Variants in RABGAP1L observed in about 807,000 individuals in gnomAD.
The protein encoded by RABGAP1L is RAB GTPase activating protein 1 like.
In RABGAP1L, 63 loss-of-function variants were observed where a neutral mutation model predicts 137.7. The observed-to-expected ratio is 0.46, with a 90% CI of 0.37 to 0.56. The LOEUF is 0.56. Ranked by LOEUF, RABGAP1L falls within the 20% of genes least tolerant of loss-of-function variation. The pLI, the probability that RABGAP1L is intolerant of heterozygous loss-of-function variation, is 0.00. For synonymous variants in RABGAP1L, 431 were observed against 433.7 expected (o/e 0.99, Z 0.08); for missense variants, 1,095 against 1,244.0 (o/e 0.88, Z 1.80).
intron 19 of RABGAP1L, among the ~76,000 whole-genome samples, chr1:174,901,182 A>G (rs1658084385): frequency 6.6e-6 from 1 of 152,168 alleles, no homozygotes; most frequent in Non-Finnish European, 1.5e-5. Context: ...TATTCTGGCT[A>G]TCAGCTCCTG....
At chr1:174,602,435 T>C (rs1289761098) in intron 13 of RABGAP1L, among the ~76,000 whole-genome samples, 4 of 152,116 alleles carry the variant, frequency 2.6e-5, no homozygotes, top group Admixed American at 1.3e-4. Flanking sequence ...TCTGCAAGAA[T>C]AGCAGAGGAA....
intron 13 of RABGAP1L, among the ~76,000 whole-genome samples, chr1:174,606,182 T>C (rs183563592): frequency 1.3e-5 from 2 of 152,346 alleles, no homozygotes; most frequent in Admixed American, 1.3e-4. Context: ...TCATATAGTA[T>C]CTACTAGTTT....
chr1:174,583,233 C>T (rs1001968850), intron 13 of RABGAP1L, among the ~76,000 whole-genome samples: 19 of 152,126 alleles, frequency 1.2e-4, no homozygotes. Flanking sequence ...AAATTACGAT[C>T]ATTATATCCT....
chr1:174,431,268 G>T (rs1204945284), intron 13 of RABGAP1L, among the ~76,000 whole-genome samples: 1 of 151,926 alleles, frequency 6.6e-6, no homozygotes, highest in Non-Finnish European at 1.5e-5. Context: ...CTTTCTATGA[G>T]ATAATTCTAA....
At chr1:174,628,038 C>G (rs1557922412) in intron 13 of RABGAP1L, among the ~76,000 whole-genome samples, 1 of 152,096 alleles carries the variant, frequency 6.6e-6, no homozygotes, top group Non-Finnish European at 1.5e-5. Context: ...AATTTAGATT[C>G]TACTGTACCC....
chr1:174,952,279 A>T lies in RABGAP1L; in HGVS notation c.2341-5178A>T, dbSNP rs903825847. Among the ~76,000 whole-genome samples the T allele has an allele frequency of 1.2e-4, 16 of 131,154 alleles. No individual in the cohort carries two copies. In the East Asian group the frequency reaches 4.0e-3, roughly 33 times the overall value. The allele number at this position is 131,154 out of a possible 152,430, so 86.0% of individuals were successfully genotyped here. On this transcript the variant is annotated intron_variant, in intron 19 of 25. Transcript: ENST00000681986. ...CACTTTGGGAGGCTGAGGTGGGAAG[A>T]TTGCTTGAGCCTTGGATTTTGAGAC...
intron 14 of RABGAP1L, among the ~76,000 whole-genome samples, chr1:174,663,943 A>G (rs540078527): frequency 3.9e-5 from 6 of 152,154 alleles, no homozygotes; most frequent in Non-Finnish European, 8.8e-5. Flanking sequence ...AATGCTGTCT[A>G]GTGTTTCTAG....
intron 10 of RABGAP1L, among the ~76,000 whole-genome samples, chr1:174,294,432 T>C (rs989522262): frequency 6.6e-6 from 1 of 152,122 alleles, no homozygotes; most frequent in Non-Finnish European, 1.5e-5. Flanking sequence ...TATTCAGGAT[T>C]TGTGGGAAAT....
At chr1:174,323,445 A>G (rs971420480) in intron 11 of RABGAP1L, among the ~76,000 whole-genome samples, 2 of 152,132 alleles carry the variant, frequency 1.3e-5, no homozygotes, top group African/African-American at 2.4e-5. Context: ...TTAATTGCTT[A>G]AAAGATAGTA....
chr1:174,443,429 T>G (rs1352962522), intron 13 of RABGAP1L, among the ~76,000 whole-genome samples: 1 of 152,112 alleles, frequency 6.6e-6, no homozygotes, highest in African/African-American at 2.4e-5. Flanking sequence ...TAGGTGAGAT[T>G]ATATCTCATT....
intron 13 of RABGAP1L, among the ~76,000 whole-genome samples, chr1:174,563,636 CT>C (rs1452751557): frequency 6.6e-6 from 1 of 152,130 alleles, no homozygotes; most frequent in Non-Finnish European, 1.5e-5. Context: ...AATTTTTGGC[CT>C]CTTTAATTCA....
chr1:174,169,506 G>A (rs192802028), intron 1 of RABGAP1L, among the ~76,000 whole-genome samples: 11 of 152,238 alleles, frequency 7.2e-5, no homozygotes, highest in Admixed American at 5.9e-4. Context: ...AGGCGTGAGT[G>A]ACTGTGCCTG....
chr1:174,429,159 A>C (rs976924026), intron 13 of RABGAP1L, among the ~76,000 whole-genome samples: 4 of 152,236 alleles, frequency 2.6e-5, no homozygotes, highest in African/African-American at 7.2e-5. Context: ...TAAATCATTA[A>C]TCTAAAGGAT....
At chr1:174,779,724 T>C (rs1558069967) in intron 18 of RABGAP1L, among the ~76,000 whole-genome samples, 4 of 152,200 alleles carry the variant, frequency 2.6e-5, no homozygotes, top group African/African-American at 4.8e-5. Flanking sequence ...ATTTGTTAAT[T>C]GTTTATATGG....
At chr1:174,374,114 T>C (rs544301520) in intron 12 of RABGAP1L, among the ~76,000 whole-genome samples, 1 of 152,318 alleles carries the variant, frequency 6.6e-6, no homozygotes, top group Admixed American at 6.5e-5. Context: ...GTGGATGTGA[T>C]TGATAGTATT....
chr1:174,920,376 T>G (rs1456605162), intron 19 of RABGAP1L, among the ~76,000 whole-genome samples: 1 of 152,146 alleles, frequency 6.6e-6, no homozygotes, highest in Non-Finnish European at 1.5e-5. Context: ...CATTAGAACT[T>G]GTAAGACTCA....
intron 11 of RABGAP1L, among the ~76,000 whole-genome samples, chr1:174,343,130 T>G (rs1261059028): frequency 6.6e-6 from 1 of 152,236 alleles, no homozygotes; most frequent in Non-Finnish European, 1.5e-5. Context: ...CAAACAATGT[T>G]ATGAACACTA....
chr1:174,337,365 G>A lies in RABGAP1L; in HGVS notation c.1465+32238G>A, dbSNP rs541806620. On this transcript the variant is annotated intron_variant, in intron 11 of 25. Transcript: ENST00000681986. Reference sequence around the variant, plus strand: ...TAGAAAGTAGAAAGGATAACATTTTGACATTTGTGAAAACAAGAATTACAT... The same window carrying A: ...TAGAAAGTAGAAAGGATAACATTTTAACATTTGTGAAAACAAGAATTACAT... Among the ~76,000 whole-genome samples, 415 of 152,160 alleles carry A rather than the reference G, an allele frequency of 2.7e-3. 1 individual carries two copies. The highest frequency in any genetic ancestry group is 9.5e-3 in the African/African-American group (396 of 41,522).
chr1:174,621,013 A>C (rs928139201), intron 13 of RABGAP1L, among the ~76,000 whole-genome samples: 1 of 152,108 alleles, frequency 6.6e-6, no homozygotes, highest in African/African-American at 2.4e-5. Context: ...ATACCTCTAC[A>C]CAAATAAACT....
Sources: gnomAD v4.1 joint callset for allele counts (sites outside exome capture counted in the v4.1 genomes callset) on GRCh38, gnomAD v4.1.1 for gene constraint, MANE v1.5 for transcripts, NCBI Gene and HGNC (gene_info 2026-07-23, HGNC 2026-07-21) for gene names.